PIP4K2A: variants seen among roughly 807,000 people sequenced by gnomAD.
The protein encoded by PIP4K2A is phosphatidylinositol-5-phosphate 4-kinase type 2 alpha.
Under a neutral mutation model 42.9 loss-of-function variants are expected in PIP4K2A, and 14 were observed. That is an observed-to-expected ratio of 0.33 (90% confidence interval 0.22 to 0.51). PIP4K2A has a LOEUF of 0.51. Among genes scored for constraint, PIP4K2A ranks in the 20% least tolerant of loss-of-function variants. The pLI, the probability that PIP4K2A is intolerant of heterozygous loss-of-function variation, is 0.97. For missense variants in PIP4K2A, 434 were observed against 519.8 expected (o/e 0.83, Z 1.61); for synonymous variants, 192 against 192.2 (o/e 1.00, Z 0.01).
intron 6 of PIP4K2A, among the ~76,000 whole-genome samples, chr10:22,554,505 T>C (rs1184800365): frequency 6.6e-6 from 1 of 152,132 alleles, no homozygotes; most frequent in African/African-American, 2.4e-5. Context: ...CTTTAATGAG[T>C]GTCTTTGATA....
chr10:22,615,325 C>T (rs1838152273), intron 1 of PIP4K2A, among the ~76,000 whole-genome samples: 1 of 152,194 alleles, frequency 6.6e-6, no homozygotes, highest in Admixed American at 6.5e-5. Flanking sequence ...CTGGGCTCAA[C>T]AGATCCTCTT....
In PIP4K2A at chr10:22,576,695, A is replaced by G. The variant is rs73598568; in HGVS notation, c.493-3238T>C. Among the ~76,000 whole-genome samples, 865 of 152,374 alleles carry G rather than the reference A, an allele frequency of 5.7e-3. 2 individuals carry two copies. Among genetic ancestry groups the G allele is most frequent in the African/African-American group, 0.019 (802 of 41,598 alleles). ...AAGTTTTTAGAACAAAGCCTGGTGC[A>G]TAAAAAGTAGTATGGAAGTGTTATC... On this transcript the variant is annotated intron_variant, in intron 4 of 9. Coordinates refer to ENST00000376573, the MANE Select transcript of PIP4K2A (RefSeq NM_005028.5).
rs1323135298 is a variant in PIP4K2A, at chr10:22,542,052, G to A, written c.793-5C>T. The stretch of plus-strand genomic sequence containing the variant: ...GAGCTTCAGCTGGGCCAGAAACTGG[G>A]GACAGAGGCAACAGGGTGAGTCAGC... On this transcript the variant is annotated splice_polypyrimidine_tract_variant and splice_region_variant and intron_variant, in intron 7 of 9. Transcript: ENST00000376573. 6.2e-6 allele frequency: 10 copies of A among 1,602,154 alleles called. No homozygotes were observed. The African/African-American group carries it at 9.4e-5, about 15-fold the overall frequency.
intron 1 of PIP4K2A, among the ~76,000 whole-genome samples, chr10:22,654,086 C>T (rs941884292): frequency 6.6e-6 from 1 of 152,114 alleles, no homozygotes; most frequent in African/African-American, 2.4e-5. Context: ...CGAAAGGAAA[C>T]CCTGCAGTGA....
chr10:22,577,207 C>T (rs939778267), intron 4 of PIP4K2A, among the ~76,000 whole-genome samples: 3 of 152,016 alleles, frequency 2.0e-5, no homozygotes, highest in East Asian at 1.9e-4. Flanking sequence ...GGTTCTTGTC[C>T]GTGTGCAAGT....
chr10:22,596,205 C>CAAAAAA (rs10681238), intron 3 of PIP4K2A, among the ~76,000 whole-genome samples: 1,669 of 69,616 alleles, frequency 0.024, 99 homozygotes, highest in African/African-American at 0.04. Context: ...AACTCCGTCT[C>CAAAAAA]AAAAAAAAAA....
At position 22,633,354 on chromosome 10, in the gene PIP4K2A, T is replaced by C. The variant is rs372670271; in HGVS notation, c.145-23637A>G. On this transcript the variant is annotated intron_variant, in intron 1 of 9. Transcript: ENST00000376573. ...GCTTACGAGGTAGATGGGAGCTAGATTAAACAAACACACAGCCTTTCTGTA... is the reference window on the plus strand; with the variant it reads ...GCTTACGAGGTAGATGGGAGCTAGACTAAACAAACACACAGCCTTTCTGTA... 2.0e-5 allele frequency among the ~76,000 whole-genome samples: 3 copies of C among 152,308 alleles called. No homozygotes were observed. The South Asian group carries it at 6.2e-4, about 32-fold the overall frequency.
At chr10:22,604,009 GCACACACACACA>G (rs10571071) in intron 3 of PIP4K2A, among the ~76,000 whole-genome samples, 3 of 149,564 alleles carry the variant, frequency 2.0e-5, no homozygotes, top group African/African-American at 4.9e-5. Context: ...ACGCGCGCAC[GCACACACACACA>G]CACACACACA....
chr10:22,694,634 GACC>G (rs1839934834), intron 1 of PIP4K2A: 1 of 152,080 alleles, frequency 6.6e-6, no homozygotes, highest in Non-Finnish European at 1.5e-5. Flanking sequence ...TTTTTTCAAT[GACC>G]TTACTTAATC....
At chr10:22,611,846 C>T (rs1838049112) in intron 1 of PIP4K2A, among the ~76,000 whole-genome samples, 1 of 152,256 alleles carries the variant, frequency 6.6e-6, no homozygotes, top group South Asian at 2.1e-4. Flanking sequence ...TCAATCAGCA[C>T]TTCGATATCT....
rs531477426 is a variant in PIP4K2A at position 22,581,565 on chromosome 10, TAAAAAAAAAA to T, written c.493-8118_493-8109del. Among the ~76,000 whole-genome samples the T allele has an allele frequency of 2.8e-4, 22 of 78,666 alleles. No homozygotes were observed. In the South Asian group the frequency reaches 0.011, roughly 39 times the overall value. The allele number at this position is 78,666 out of a possible 152,430, so 51.6% of individuals were successfully genotyped here. On this transcript the variant is annotated intron_variant, in intron 4 of 9. Transcript: ENST00000376573. ...GGGCAACACAGGGAGATCCTATCTC[TAAAAAAAAAA>T]AAAAAAAAAAAAAAAAAATTAAAAT...
At chr10:22,568,060 G>A (rs573175776) in intron 5 of PIP4K2A, among the ~76,000 whole-genome samples, 171 bp from the exon 6 acceptor site, 38 of 152,306 alleles carry the variant, frequency 2.5e-4, no homozygotes, top group Non-Finnish European at 4.1e-4. Context: ...CTCTCTGTCC[G>A]GCCTGTGTCC....
intron 6 of PIP4K2A, among the ~76,000 whole-genome samples, chr10:22,557,934 T>C (rs899451199): frequency 1.3e-5 from 2 of 152,242 alleles, no homozygotes; most frequent in African/African-American, 4.8e-5. Context: ...GAGTGTCTAA[T>C]GCAAACAGGA....
At chr10:22,599,510 T>C (rs983937043) in intron 3 of PIP4K2A, among the ~76,000 whole-genome samples, 1 of 152,208 alleles carries the variant, frequency 6.6e-6, no homozygotes, top group African/African-American at 2.4e-5. Flanking sequence ...TGAGGTGACC[T>C]GGCAAGTGCT....
intron 9 of PIP4K2A, chr10:22,539,693 C>T (rs1173627670): frequency 3.0e-5 from 11 of 362,090 alleles, no homozygotes; most frequent in Admixed American, 8.5e-5. Context: ...TAAGTGACTT[C>T]GCTGGAAGCC....
Position 22,714,351 on chromosome 10 carries a change from C to T in PIP4K2A, c.-25G>A. The T allele has an allele frequency of 1.3e-6, 2 of 1,532,540 alleles. No individual in the cohort carries two copies. Among genetic ancestry groups the T allele is most frequent in the South Asian group, 1.2e-5 (1 of 84,418 alleles). 94.9% of individuals were successfully genotyped at this position (1,532,540 alleles called of 1,614,324 possible). On this transcript the variant is annotated 5_prime_UTR_variant, in exon 1 of 10. Transcript: ENST00000376573. ...TGGCCGCCTCCTATGTCCCCTCCACCGCCGTGCTCCCGAGGCCGGGGACCC... is the reference window on the plus strand; with the variant it reads ...TGGCCGCCTCCTATGTCCCCTCCACTGCCGTGCTCCCGAGGCCGGGGACCC...
At chr10:22,550,940 CACCG>C (rs1210505566) in intron 6 of PIP4K2A, among the ~76,000 whole-genome samples, 168 bp from the exon 7 acceptor site, 2 of 152,152 alleles carry the variant, frequency 1.3e-5, no homozygotes, top group African/African-American at 4.8e-5. Context: ...GCTTGAATAC[CACCG>C]GGGGGCGCCA....
chr10:22,553,759 G>A (rs1588621101), intron 6 of PIP4K2A, among the ~76,000 whole-genome samples: 2 of 145,926 alleles, frequency 1.4e-5, no homozygotes, highest in South Asian at 4.5e-4. Context: ...AAAGCGCACA[G>A]ACTTGAAATG....
At chr10:22,619,426 C>CT (rs1306356981) in intron 1 of PIP4K2A, among the ~76,000 whole-genome samples, 201 of 141,082 alleles carry the variant, frequency 1.4e-3, no homozygotes, top group African/African-American at 5.8e-3. Context: ...TATTCATTTT[C>CT]TTTTTCTTTT....
Sources: allele counts gnomAD v4.1 joint callset (sites outside exome capture counted in the v4.1 genomes callset), GRCh38; gene constraint gnomAD v4.1.1; transcripts MANE v1.5; gene names NCBI Gene and HGNC (gene_info 2026-07-23, HGNC 2026-07-21).